CNTNAP2: variants seen among roughly 807,000 people sequenced by gnomAD.
CNTNAP2 encodes the protein contactin associated protein 2, also known as contactin-associated protein-like 2.
CNTNAP2 carries 98 observed loss-of-function variants against 155.2 expected under a neutral mutation model. The ratio of observed to expected loss-of-function variants is 0.63; its 90% CI spans 0.54 to 0.75. CNTNAP2 has a LOEUF of 0.75. Among genes scored for constraint, CNTNAP2 ranks in the 30% least tolerant of loss-of-function variants. The pLI, the probability that CNTNAP2 is intolerant of heterozygous loss-of-function variation, is 0.00. For missense variants in CNTNAP2, 1,727 were observed against 1,688.1 expected (o/e 1.02, Z -0.40); for synonymous variants, 651 against 631.2 (o/e 1.03, Z -0.47).
At chr7:147,836,515 C>A (rs774592833) in intron 13 of CNTNAP2, among the ~76,000 whole-genome samples, 1 of 152,258 alleles carries the variant, frequency 6.6e-6, no homozygotes, top group East Asian at 1.9e-4. Flanking sequence ...TACGGGAAGC[C>A]CTCCTGCCCC....
chr7:148,097,093 A>G (rs1803987605), intron 15 of CNTNAP2, among the ~76,000 whole-genome samples: 1 of 152,164 alleles, frequency 6.6e-6, no homozygotes, highest in African/African-American at 2.4e-5. Flanking sequence ...TTTGTGAGGT[A>G]TTATGGGACA....
intron 1 of CNTNAP2, among the ~76,000 whole-genome samples, chr7:146,305,037 C>T (rs1412389161): frequency 1.3e-5 from 2 of 152,068 alleles, no homozygotes; most frequent in African/African-American, 4.8e-5. Flanking sequence ...CAATCACAGA[C>T]ACCTTTTCTT....
At position 147,729,428 on chromosome 7, in the gene CNTNAP2, G is replaced by GCACACA. The variant is rs3053507; in HGVS notation, c.2098+90137_2098+90142dup. On this transcript the variant is annotated intron_variant, in intron 13 of 23. Coordinates refer to ENST00000361727, the MANE Select transcript of CNTNAP2 (RefSeq NM_014141.6). ...CATGCACACACACGCACACACACAC[G>GCACACA]CACACACACACACACACACAGAGTT... 1.4e-4 allele frequency among the ~76,000 whole-genome samples: 21 copies of GCACACA among 149,320 alleles called. No homozygotes were observed. In the South Asian group the frequency reaches 3.0e-3, roughly 21 times the overall value.
At chr7:146,998,015 G>T (rs1168727638) in intron 3 of CNTNAP2, among the ~76,000 whole-genome samples, 1 of 151,740 alleles carries the variant, frequency 6.6e-6, no homozygotes, top group Admixed American at 6.6e-5. Context: ...TCTTTTCTAA[G>T]GCTTTTGTAG....
At chr7:146,434,899 C>T (rs764674787) in intron 1 of CNTNAP2, among the ~76,000 whole-genome samples, 55 of 152,150 alleles carry the variant, frequency 3.6e-4, no homozygotes, top group Non-Finnish European at 6.9e-4. Context: ...GCCAGGCACT[C>T]ATTCAGGGCC....
intron 10 of CNTNAP2, among the ~76,000 whole-genome samples, chr7:147,453,436 T>C (rs1475446366): frequency 2.0e-5 from 3 of 152,206 alleles, no homozygotes; most frequent in African/African-American, 7.2e-5. Context: ...CGGTGTGATC[T>C]CCTTGAGTCA....
rs529773802 is a variant in CNTNAP2 at position 147,850,080 on chromosome 7, G to A, written c.2099-53485G>A. 8 of 152,266 alleles carry A rather than the reference G, an allele frequency of 5.3e-5. No individual in the cohort carries two copies. The East Asian group carries it at 1.5e-3, about 29-fold the overall frequency. The allele number at this position is 152,266 out of a possible 1,614,324, so 9.4% of individuals were successfully genotyped here. On this transcript the variant is annotated intron_variant, in intron 13 of 23. Coordinates refer to ENST00000361727, the MANE Select transcript of CNTNAP2 (RefSeq NM_014141.6). ...TTTCTGGAAAGAGGCAACATTTTAAGACCATTCAAGATTAACCTTTACTTG... is the reference window on the plus strand; with the variant it reads ...TTTCTGGAAAGAGGCAACATTTTAAAACCATTCAAGATTAACCTTTACTTG...
intron 22 of CNTNAP2, among the ~76,000 whole-genome samples, chr7:148,390,380 A>T (rs1202293004): frequency 6.6e-6 from 1 of 152,222 alleles, no homozygotes; most frequent in Non-Finnish European, 1.5e-5. Context: ...ATGTGAAATT[A>T]TTACTGTGTT....
chr7:146,309,031 C>CT (rs1423831312), intron 1 of CNTNAP2, among the ~76,000 whole-genome samples: 7 of 152,034 alleles, frequency 4.6e-5, no homozygotes, highest in African/African-American at 1.7e-4. Flanking sequence ...AAACAACAGA[C>CT]TATCTTTTAA....
At chr7:147,414,610 A>T (rs557620811) in intron 10 of CNTNAP2, among the ~76,000 whole-genome samples, 1 of 152,226 alleles carries the variant, frequency 6.6e-6, no homozygotes, top group African/African-American at 2.4e-5. Flanking sequence ...GAATAAACAA[A>T]CTAAAAAGAC....
intron 21 of CNTNAP2, among the ~76,000 whole-genome samples, chr7:148,285,821 C>A (rs1206562547): frequency 6.6e-6 from 1 of 152,136 alleles, no homozygotes; most frequent in African/African-American, 2.4e-5. Flanking sequence ...CCTTGAACAA[C>A]AGGAGAATTA....
intron 15 of CNTNAP2, among the ~76,000 whole-genome samples, chr7:147,979,522 G>C (rs1801486326): frequency 1.3e-5 from 2 of 152,160 alleles, no homozygotes; most frequent in Admixed American, 1.3e-4. Context: ...TCTGAAGTTA[G>C]CTTTGAATTT....
At chr7:147,005,989 C>G (rs1284633619) in intron 3 of CNTNAP2, among the ~76,000 whole-genome samples, 1 of 151,818 alleles carries the variant, frequency 6.6e-6, no homozygotes, top group Admixed American at 6.6e-5. Context: ...TCTTTTTCTT[C>G]TACTCATCAT....
intron 3 of CNTNAP2, among the ~76,000 whole-genome samples, chr7:146,995,483 C>T (rs1035428012): frequency 1.3e-5 from 2 of 152,072 alleles, no homozygotes; most frequent in African/African-American, 4.8e-5. Flanking sequence ...TTCTCCACAT[C>T]CTTGCCAACA....
chr7:148,163,900 A>G (rs1805598274), intron 17 of CNTNAP2, among the ~76,000 whole-genome samples: 1 of 152,154 alleles, frequency 6.6e-6, no homozygotes, highest in Non-Finnish European at 1.5e-5. Flanking sequence ...TTTATATTTT[A>G]CACACCTGCA....
At chr7:148,360,810 C>CT (rs1177933137) in intron 21 of CNTNAP2, among the ~76,000 whole-genome samples, 1,930 of 138,604 alleles carry the variant, frequency 0.014, 30 homozygotes, top group African/African-American at 0.039. Context: ...TCTTTTTTTT[C>CT]TTTTTCTTTT....
At chr7:146,507,093 C>A (rs769661752) in intron 1 of CNTNAP2, among the ~76,000 whole-genome samples, 1 of 152,190 alleles carries the variant, frequency 6.6e-6, no homozygotes, top group Non-Finnish European at 1.5e-5. Context: ...ATATCTCTGC[C>A]ATCCCAGTCT....
intron 8 of CNTNAP2, among the ~76,000 whole-genome samples, chr7:147,245,155 T>G (rs192440767): frequency 6.6e-6 from 1 of 152,334 alleles, no homozygotes; most frequent in African/African-American, 2.4e-5. Flanking sequence ...ATTATATTGT[T>G]CTTTTTTGCC....
chr7:147,402,995 A>G (rs1294070492), intron 10 of CNTNAP2, among the ~76,000 whole-genome samples: 1 of 150,576 alleles, frequency 6.6e-6, no homozygotes, highest in East Asian at 1.9e-4. Flanking sequence ...GACATGCCTC[A>G]CAAACATCAA....
Sources: gnomAD v4.1 joint callset for allele counts (sites outside exome capture counted in the v4.1 genomes callset) on GRCh38, gnomAD v4.1.1 for gene constraint, MANE v1.5 for transcripts, NCBI Gene and HGNC (gene_info 2026-07-23, HGNC 2026-07-21) for gene names.